Variants in MDGA2 observed in about 807,000 individuals in gnomAD.
The protein encoded by MDGA2 is MAM domain containing glycosylphosphatidylinositol anchor 2.
MDGA2 carries 40 observed loss-of-function variants against 117.8 expected under a neutral mutation model. The observed-to-expected ratio is 0.34, with a 90% CI of 0.26 to 0.44. The LOEUF (loss-of-function observed/expected upper bound fraction) is 0.44, where lower values mean the gene tolerates loss of function less well. Among genes scored for constraint, MDGA2 ranks in the 20% least tolerant of loss-of-function variants. The probability of loss-of-function intolerance (pLI) is 1.00; values close to 1 mark genes in which losing one functional copy is unlikely to be tolerated. For synonymous variants in MDGA2, 452 were observed against 439.0 expected (o/e 1.03, Z -0.37); for missense variants, 1,123 against 1,250.6 (o/e 0.90, Z 1.54).
At chr14:47,463,478 T>A in intron 1 of MDGA2, among the ~76,000 whole-genome samples, 1 of 152,310 alleles carries the variant, frequency 6.6e-6, no homozygotes, top group South Asian at 2.1e-4. Flanking sequence ...AACATATAAA[T>A]ATTGTGTATC....
intron 1 of MDGA2, among the ~76,000 whole-genome samples, chr14:47,473,452 T>C (rs1893771171): frequency 6.6e-6 from 1 of 152,172 alleles, no homozygotes; most frequent in Admixed American, 6.6e-5. Flanking sequence ...AGAGCAAGGC[T>C]TTTCGTGTTT....
In MDGA2 at chr14:47,446,699, T is replaced by C. The variant is rs143580265; in HGVS notation, c.281-145149A>G. Among the ~76,000 whole-genome samples, 316 of 152,148 alleles carry C rather than the reference T, an allele frequency of 2.1e-3. 1 individual carries two copies. Among genetic ancestry groups the C allele is most frequent in the Non-Finnish European group, 3.5e-3 (237 of 67,986 alleles). On this transcript the variant is annotated intron_variant, in intron 1 of 16. Coordinates refer to ENST00000399232, the MANE Select transcript of MDGA2 (RefSeq NM_001113498.3). ...GTCAGTGAGATCATCCACTCTCCTATTCTGCATCTCCTTAGCTAGATCCCA... is the reference window on the plus strand; with the variant it reads ...GTCAGTGAGATCATCCACTCTCCTACTCTGCATCTCCTTAGCTAGATCCCA...
At chr14:47,455,679 G>C (rs1422642693) in intron 1 of MDGA2, among the ~76,000 whole-genome samples, 1 of 152,104 alleles carries the variant, frequency 6.6e-6, no homozygotes, top group Admixed American at 6.6e-5. Flanking sequence ...ATGAGTGAAT[G>C]TAAATTGAAG....
At chr14:47,446,106 C>A (rs557872826) in intron 1 of MDGA2, among the ~76,000 whole-genome samples, 12 of 152,196 alleles carry the variant, frequency 7.9e-5, no homozygotes, top group Non-Finnish European at 1.6e-4. Context: ...TTTTTACTCA[C>A]TTCCTTAAAA....
intron 8 of MDGA2, among the ~76,000 whole-genome samples, chr14:47,018,109 T>C (rs1448890798): frequency 6.6e-6 from 1 of 151,832 alleles, no homozygotes; most frequent in Non-Finnish European, 1.5e-5. Flanking sequence ...CCCTATGTTG[T>C]GGAAATATCA....
At chr14:46,947,201 G>C (rs1250132562) in intron 9 of MDGA2, among the ~76,000 whole-genome samples, 1 of 151,968 alleles carries the variant, frequency 6.6e-6, no homozygotes, top group Non-Finnish European at 1.5e-5. Flanking sequence ...TTATTTGCAT[G>C]CAAAATTCTT....
At chr14:46,977,492 C>T (rs1172246676) in intron 8 of MDGA2, among the ~76,000 whole-genome samples, 1 of 151,874 alleles carries the variant, frequency 6.6e-6, no homozygotes, top group Non-Finnish European at 1.5e-5. Context: ...TTATTGTCCA[C>T]ATTTTTACAT....
chr14:47,473,255 A>G (rs1413610544), intron 1 of MDGA2, among the ~76,000 whole-genome samples: 3 of 152,166 alleles, frequency 2.0e-5, no homozygotes, highest in Non-Finnish European at 2.9e-5. Context: ...AATTCCACTC[A>G]TTTTGAGTAG....
chr14:47,332,073 C>T (rs573017826), intron 1 of MDGA2, among the ~76,000 whole-genome samples: 17 of 152,096 alleles, frequency 1.1e-4, no homozygotes, highest in African/African-American at 4.1e-4. Flanking sequence ...TCTATGCACA[C>T]AAAATAATAA....
rs566486663 is a variant in MDGA2, at chr14:47,169,219, T to A, written c.596-24945A>T. Among the ~76,000 whole-genome samples, 7 of 152,064 alleles carry A rather than the reference T, an allele frequency of 4.6e-5. No homozygotes were observed. The East Asian group carries it at 1.4e-3, about 29-fold the overall frequency. ...TATTGAATCTCAGCTTACTTATGAG[T>A]TCGATATGACCAAATATAACATTTG... On this transcript the variant is annotated intron_variant, in intron 3 of 16. Coordinates refer to ENST00000399232, the MANE Select transcript of MDGA2 (RefSeq NM_001113498.3).
chr14:47,394,834 A>G (rs1426718358), intron 1 of MDGA2, among the ~76,000 whole-genome samples: 1 of 152,190 alleles, frequency 6.6e-6, no homozygotes, highest in Non-Finnish European at 1.5e-5. Flanking sequence ...TTGACAACAA[A>G]TATAAAGTTA....
At chr14:47,248,303 G>A (rs895896874) in intron 2 of MDGA2, among the ~76,000 whole-genome samples, 5 of 151,386 alleles carry the variant, frequency 3.3e-5, no homozygotes, top group South Asian at 2.1e-4. Flanking sequence ...AACATCAGAC[G>A]GAATAATAGG....
At chr14:46,961,328 AT>A (rs1164116385) in intron 8 of MDGA2, among the ~76,000 whole-genome samples, 1 of 152,072 alleles carries the variant, frequency 6.6e-6, no homozygotes, top group Non-Finnish European at 1.5e-5. Context: ...TTATAGCCTC[AT>A]TAGATGATCC....
At chr14:47,181,922 TTCA>T (rs1198062160) in intron 3 of MDGA2, among the ~76,000 whole-genome samples, 2 of 152,188 alleles carry the variant, frequency 1.3e-5, no homozygotes, top group East Asian at 3.8e-4. Flanking sequence ...TGTAATTTTA[TTCA>T]TATTTATATT....
intron 1 of MDGA2, among the ~76,000 whole-genome samples, chr14:47,537,162 T>C (rs1895229646): frequency 6.6e-6 from 1 of 151,998 alleles, no homozygotes; most frequent in African/African-American, 2.4e-5. Context: ...GTGCAACCGT[T>C]ACAAATTCTG....
chr14:47,013,881 C>T (rs953530585), intron 8 of MDGA2, among the ~76,000 whole-genome samples: 2 of 148,862 alleles, frequency 1.3e-5, no homozygotes, highest in Non-Finnish European at 3.0e-5. Context: ...ACTGCACCTC[C>T]GCCTCCTGGG....
intron 1 of MDGA2, among the ~76,000 whole-genome samples, chr14:47,515,512 G>C (rs1894733282): frequency 6.6e-6 from 1 of 152,112 alleles, no homozygotes; most frequent in South Asian, 2.1e-4. Context: ...ACTGAAAATA[G>C]AATCAATGAC....
chr14:46,956,194 T>C (rs144924329), intron 9 of MDGA2, among the ~76,000 whole-genome samples: 4 of 152,286 alleles, frequency 2.6e-5, no homozygotes, highest in African/African-American at 9.6e-5. Context: ...TAATCATTTT[T>C]ATGACTTCTT....
chr14:47,240,597 G>C (rs1159002732), intron 2 of MDGA2, among the ~76,000 whole-genome samples: 2 of 151,784 alleles, frequency 1.3e-5, no homozygotes, highest in Non-Finnish European at 2.9e-5. Context: ...ACGTGGTATG[G>C]GAGTGGAGAG....
Sources: gnomAD v4.1 joint callset for allele counts (sites outside exome capture counted in the v4.1 genomes callset) on GRCh38, gnomAD v4.1.1 for gene constraint, MANE v1.5 for transcripts, NCBI Gene and HGNC (gene_info 2026-07-23, HGNC 2026-07-21) for gene names.